Variants in BCR observed in about 807,000 individuals in gnomAD.
The protein encoded by BCR is BCR activator of RhoGEF and GTPase, also known as breakpoint cluster region protein.
A neutral mutation model predicts 138.6 loss-of-function variants in BCR; 58 were observed. That is an observed-to-expected ratio of 0.42 (90% confidence interval 0.34 to 0.52). The LOEUF (loss-of-function observed/expected upper bound fraction) is 0.52, where lower values mean the gene tolerates loss of function less well. BCR is among the 20% of genes least tolerant of loss of function. The pLI, the probability that BCR is intolerant of heterozygous loss-of-function variation, is 0.06. For synonymous variants in BCR, 786 were observed against 730.1 expected (o/e 1.08, Z -1.23); for missense variants, 1,599 against 1,727.2 (o/e 0.93, Z 1.32).
intron 1 of BCR, among the ~76,000 whole-genome samples, chr22:23,186,916 A>G (rs1396572823): frequency 2.6e-5 from 4 of 152,102 alleles, no homozygotes; most frequent in African/African-American, 9.7e-5. Context: ...TTGTATTTTC[A>G]GTAGAGACGG....
chr22:23,245,465 G>T (rs1179660481), intron 1 of BCR, among the ~76,000 whole-genome samples: 1 of 152,174 alleles, frequency 6.6e-6, no homozygotes, highest in Non-Finnish European at 1.5e-5. Flanking sequence ...ATCCTGGGGT[G>T]CTCTCTGTGT....
At chr22:23,271,693 A>G in intron 6 of BCR, 101 bp downstream of exon 6, 1 of 1,156,910 alleles carries the variant, frequency 8.6e-7, no homozygotes, top group Non-Finnish European at 1.3e-6. Flanking sequence ...CACTTGGGTC[A>G]TCCCTTGGTG....
chr22:23,261,210 A>C, intron 3 of BCR, 145 bp from the exon 4 acceptor site: 3 of 1,269,080 alleles, frequency 2.4e-6, no homozygotes, highest in Non-Finnish European at 3.3e-6. Context: ...TTGCCAAACC[A>C]AGCTGGTTTT....
chr22:23,282,076 G>A (rs2073652890), intron 8 of BCR, among the ~76,000 whole-genome samples: 1 of 152,226 alleles, frequency 6.6e-6, no homozygotes, highest in South Asian at 2.1e-4. Context: ...GCCCCAGAAG[G>A]AAGGCGCCTG....
chr22:23,274,062 T>G (rs2073542408), intron 8 of BCR, among the ~76,000 whole-genome samples: 1 of 151,968 alleles, frequency 6.6e-6, no homozygotes, highest in Admixed American at 6.5e-5. Flanking sequence ...CCCTTTTTTT[T>G]TATCCCCCAC....
intron 9 of BCR, 117 bp from the exon 10 acceptor site, chr22:23,284,916 T>G: frequency 8.5e-7 from 1 of 1,169,734 alleles, no homozygotes; most frequent in Non-Finnish European, 1.2e-6. Flanking sequence ...GTGCTGGGTT[T>G]TAGGTCAGGT....
intron 1 of BCR, among the ~76,000 whole-genome samples, chr22:23,186,354 AC>A (rs1256275553): frequency 4.6e-5 from 7 of 152,350 alleles, no homozygotes; most frequent in African/African-American, 1.7e-4. Context: ...AACAAAAGTT[AC>A]TGTCTTAACC....
chr22:23,295,905 A>G (rs1602116479), intron 16 of BCR, among the ~76,000 whole-genome samples: 2 of 152,014 alleles, frequency 1.3e-5, no homozygotes, highest in Admixed American at 1.3e-4. Context: ...CTTTCCTTAT[A>G]GTGCATTATA....
At chr22:23,244,957 G>T (rs1179474280) in intron 1 of BCR, among the ~76,000 whole-genome samples, 1 of 152,152 alleles carries the variant, frequency 6.6e-6, no homozygotes. Flanking sequence ...TTGGAGACAG[G>T]GGATGGTCCT....
At chr22:23,311,916 C>G in intron 19 of BCR, 80 bp downstream of exon 19, 7 of 1,561,026 alleles carry the variant, frequency 4.5e-6, no homozygotes, top group South Asian at 1.2e-5. Context: ...CTCCATGGCC[C>G]AGGCATGTCA....
intron 15 of BCR, among the ~76,000 whole-genome samples, 160 bp downstream of exon 15, chr22:23,292,798 C>A (rs1046487132): frequency 6.6e-6 from 1 of 152,194 alleles, no homozygotes; most frequent in Non-Finnish European, 1.5e-5. Context: ...GTGACGTGTC[C>A]AAGAGATTTT....
rs1386586651 is a variant in BCR, at chr22:23,315,465, G to A, written c.3759G>A (p.Glu1253=). The change falls in exon 23 of 23, where the codon GAG becomes GAA. Residue 1253 remains glutamate (E), a synonymous_variant. Coordinates refer to ENST00000305877, the MANE Select transcript of BCR (RefSeq NM_004327.4). ...TGCTGCTGTACTTCCTGCAGCTGGA[G>A]GCCATCCCTGCCCCGGACAGCAAGA... ...VQVLLYFLQL[E]AIPAPDSKRQ... is the part of the protein sequence containing the mutation. The A allele has an allele frequency of 6.2e-7, 1 of 1,613,258 alleles. No homozygotes were observed. Among genetic ancestry groups the A allele is most frequent in the Middle Eastern group, 1.9e-4 (1 of 5,358 alleles).
At chr22:23,289,426 C>A in intron 12 of BCR, 91 bp from the exon 13 acceptor site, 2 of 1,115,242 alleles carry the variant, frequency 1.8e-6, no homozygotes. Context: ...CGTGCCCCTT[C>A]CCCAGGGTGT....
intron 1 of BCR, among the ~76,000 whole-genome samples, chr22:23,237,559 C>G (rs1273024475): frequency 6.6e-6 from 1 of 152,260 alleles, no homozygotes; most frequent in Admixed American, 6.5e-5. Flanking sequence ...TTTTCTGGCT[C>G]GTTCCTCAGC....
intron 5 of BCR, among the ~76,000 whole-genome samples, chr22:23,270,222 C>T (rs1039301819): frequency 3.9e-5 from 6 of 152,062 alleles, no homozygotes; most frequent in East Asian, 1.9e-4. Flanking sequence ...GAGTAGTGTC[C>T]GTCTTCTCCT....
intron 4 of BCR, among the ~76,000 whole-genome samples, chr22:23,266,292 T>C (rs1219121849): frequency 2.0e-5 from 3 of 152,178 alleles, no homozygotes; most frequent in Non-Finnish European, 4.4e-5. Context: ...TTTCACCATG[T>C]TGGCCAGGCT....
chr22:23,222,171 A>G (rs537019907), intron 1 of BCR, among the ~76,000 whole-genome samples: 6 of 152,270 alleles, frequency 3.9e-5, no homozygotes, highest in East Asian at 1.9e-4. Flanking sequence ...CTGTGGAGCA[A>G]GTTTCCTGCA....
At chr22:23,308,906 A>G (rs940939625) in intron 16 of BCR, among the ~76,000 whole-genome samples, 1 of 152,044 alleles carries the variant, frequency 6.6e-6, no homozygotes, top group African/African-American at 2.4e-5. Context: ...TGCTTGATTT[A>G]GGGCTTGTTT....
At chr22:23,242,147 C>T (rs1025398043) in intron 1 of BCR, among the ~76,000 whole-genome samples, 1 of 152,146 alleles carries the variant, frequency 6.6e-6, no homozygotes, top group Non-Finnish European at 1.5e-5. Context: ...AGACAAGTGG[C>T]CGAAGCAAGA....
Sources: gnomAD v4.1 joint callset for allele counts (sites outside exome capture counted in the v4.1 genomes callset) on GRCh38, gnomAD v4.1.1 for gene constraint, MANE v1.5 for transcripts, NCBI Gene and HGNC (gene_info 2026-07-23, HGNC 2026-07-21) for gene names.